SGCG: variants seen among roughly 807,000 people sequenced by gnomAD.
SGCG encodes the protein sarcoglycan gamma, also known as gamma-sarcoglycan.
In SGCG, 26 loss-of-function variants were observed where a neutral mutation model predicts 29.3. The ratio of observed to expected loss-of-function variants is 0.89; its 90% CI spans 0.65 to 1.23. The LOEUF (loss-of-function observed/expected upper bound fraction) is 1.23, where lower values mean the gene tolerates loss of function less well. Among genes scored for constraint, SGCG ranks in the 50% most tolerant of loss-of-function variants. The probability of loss-of-function intolerance (pLI) is 0.00; values close to 1 mark genes in which losing one functional copy is unlikely to be tolerated. For missense variants in SGCG, 353 were observed against 356.0 expected, an observed-to-expected ratio of 0.99 and a Z score of 0.07; for synonymous variants, 145 against 129.7, an observed-to-expected ratio of 1.12 and a Z score of -0.80.
At chr13:23,307,895 A>G (rs1326494) in intron 6 of SGCG, among the ~76,000 whole-genome samples, 37,849 of 152,078 alleles carry the variant, frequency 0.25, 5,329 homozygotes, top group South Asian at 0.32. Flanking sequence ...TCATTATTAA[A>G]CCAAAACACA....
chr13:23,221,408 A>T, intron 2 of SGCG, among the ~76,000 whole-genome samples: 1 of 152,218 alleles, frequency 6.6e-6, no homozygotes, highest in East Asian at 1.9e-4. Flanking sequence ...AGGCCTGTGA[A>T]TTCTGAAGCA....
chr13:23,282,666 C>T (rs1441672610), intron 5 of SGCG, among the ~76,000 whole-genome samples: 1 of 152,118 alleles, frequency 6.6e-6, no homozygotes, highest in Admixed American at 6.6e-5. Context: ...TGCATGATCA[C>T]ATTCTTTTTA....
intron 5 of SGCG, among the ~76,000 whole-genome samples, chr13:23,293,614 G>A (rs1881797867): frequency 6.6e-6 from 1 of 152,082 alleles, no homozygotes; most frequent in Admixed American, 6.6e-5. Flanking sequence ...ACAGATCACC[G>A]GAGGTCAGGT....
At chr13:23,269,032 CTAACTT>C (rs1880755972) in intron 4 of SGCG, 1 of 151,792 alleles carries the variant, frequency 6.6e-6, no homozygotes, top group African/African-American at 2.4e-5. Context: ...GAGAAGAAAA[CTAACTT>C]TATATGATAA....
chr13:23,294,635 A>G (rs935958590), intron 5 of SGCG, among the ~76,000 whole-genome samples: 14 of 152,182 alleles, frequency 9.2e-5, no homozygotes, highest in African/African-American at 3.1e-4. Context: ...TTTCTATCAC[A>G]TATTGTTATT....
At chr13:23,315,073 G>A (rs1187416657) in intron 6 of SGCG, among the ~76,000 whole-genome samples, 1 of 152,214 alleles carries the variant, frequency 6.6e-6, no homozygotes, top group Non-Finnish European at 1.5e-5. Flanking sequence ...GTGGCAGATA[G>A]GGACGCTGTT....
intron 2 of SGCG, among the ~76,000 whole-genome samples, chr13:23,232,128 A>AG (rs1346255735): frequency 1.3e-5 from 2 of 152,132 alleles, no homozygotes; most frequent in East Asian, 3.9e-4. Context: ...AGAAAAAAAA[A>AG]AAAAAAGCTC....
intron 7 of SGCG, 91 bp downstream of exon 7, chr13:23,320,851 G>C (rs1392976680): frequency 1.5e-6 from 2 of 1,337,884 alleles, no homozygotes; most frequent in East Asian, 4.7e-5. Flanking sequence ...TAAATTTCTA[G>C]TAGTTTGTAG....
chr13:23,263,267 T>G (rs1880515955), intron 4 of SGCG, among the ~76,000 whole-genome samples: 1 of 151,976 alleles, frequency 6.6e-6, no homozygotes, highest in Non-Finnish European at 1.5e-5. Flanking sequence ...AAGATTCAAA[T>G]AAGCTCGATT....
the SGCG span, among the ~76,000 whole-genome samples, chr13:23,172,889 G>A: frequency 6.6e-6 from 1 of 152,202 alleles, no homozygotes; most frequent in Non-Finnish European, 1.5e-5. Flanking sequence ...AAGGGTTAAA[G>A]AAGGACACAT....
chr13:23,170,093 A>T, the SGCG span: 1 of 152,234 alleles, frequency 6.6e-6, no homozygotes, highest in Non-Finnish European at 1.5e-5. Context: ...GCTCTAATTA[A>T]GCCTAATTGG....
chr13:23,270,395 A>G (rs1205364973), intron 4 of SGCG, among the ~76,000 whole-genome samples: 1 of 152,184 alleles, frequency 6.6e-6, no homozygotes, highest in Non-Finnish European at 1.5e-5. Flanking sequence ...ATGGCATGTC[A>G]GTGTTGCTTT....
chr13:23,218,494 CTG>C (rs1331409011), intron 2 of SGCG, among the ~76,000 whole-genome samples: 1 of 152,028 alleles, frequency 6.6e-6, no homozygotes. Flanking sequence ...GTAAAATAAA[CTG>C]TAACACTAAA....
chr13:23,198,780 AG>A (rs1877618506), intron 1 of SGCG, among the ~76,000 whole-genome samples: 1 of 147,760 alleles, frequency 6.8e-6, no homozygotes, highest in South Asian at 2.1e-4. Context: ...CGGGAGGTGG[AG>A]GTTGTAGTGA....
chr13:23,229,615 C>T (rs1224743440), intron 2 of SGCG, among the ~76,000 whole-genome samples: 4 of 152,120 alleles, frequency 2.6e-5, no homozygotes, highest in Admixed American at 2.6e-4. Context: ...ATGTCCTTTC[C>T]CCACTTTTTA....
chr13:23,279,608 C>T, intron 5 of SGCG, 130 bp downstream of exon 5: 1 of 751,910 alleles, frequency 1.3e-6, no homozygotes, highest in Non-Finnish European at 2.1e-6. Flanking sequence ...GCATTTTCTC[C>T]ATTGCATTTC....
Position 23,299,456 on chromosome 13 carries a change from A to ATTTTTTTTTT in SGCG, c.578+3976_578+3985dup, listed in dbSNP as rs71100168. The stretch of plus-strand genomic sequence containing the variant: ...TATATATATATATATATATATATAT[A>ATTTTTTTTTT]TTTTTTTTTTTTTTTTAGTCGGAGT... On this transcript the variant is annotated intron_variant, in intron 6 of 7. Coordinates refer to ENST00000218867, the MANE Select transcript of SGCG (RefSeq NM_000231.3). 2.8e-3 allele frequency among the ~76,000 whole-genome samples: 118 copies of ATTTTTTTTTT among 41,496 alleles called. 19 individuals carry two copies. The highest frequency in any genetic ancestry group is 5.3e-3 in the South Asian group (5 of 946). The allele number at this position is 41,496 out of a possible 152,430, so 27.2% of individuals were successfully genotyped here.
chr13:23,163,700 T>C, the SGCG span, among the ~76,000 whole-genome samples: 11 of 152,220 alleles, frequency 7.2e-5, 1 homozygote, highest in Admixed American at 4.6e-4. Flanking sequence ...TAGTAGACTT[T>C]ATTCAATATT....
chr13:23,236,549 G>A (rs1213068762), intron 3 of SGCG, among the ~76,000 whole-genome samples: 1 of 152,000 alleles, frequency 6.6e-6, no homozygotes, highest in African/African-American at 2.4e-5. Context: ...GTGGTGGCGG[G>A]CGCCTGTAGT....
Sources: gnomAD v4.1 joint callset for allele counts (sites outside exome capture counted in the v4.1 genomes callset) on GRCh38, gnomAD v4.1.1 for gene constraint, MANE v1.5 for transcripts, NCBI Gene and HGNC (gene_info 2026-07-23, HGNC 2026-07-21) for gene names.